COL24A1: variants seen among roughly 807,000 people sequenced by gnomAD.
COL24A1 encodes collagen type XXIV alpha 1 chain, also known as collagen alpha-1(XXIV) chain.
In COL24A1, 224 loss-of-function variants were observed where a neutral mutation model predicts 253.9. The observed-to-expected ratio is 0.88, with a 90% CI of 0.79 to 0.99. The LOEUF is 0.99. COL24A1 is among the 50% of genes least tolerant of loss of function. The probability of loss-of-function intolerance (pLI) is 0.00; values close to 1 mark genes in which losing one functional copy is unlikely to be tolerated. For missense variants in COL24A1, 2,131 were observed against 2,068.5 expected, an observed-to-expected ratio of 1.03 and a Z score of -0.59; for synonymous variants, 685 against 673.7, an observed-to-expected ratio of 1.02 and a Z score of -0.26.
intron 28 of COL24A1, among the ~76,000 whole-genome samples, chr1:85,905,331 G>C (rs1057067611): frequency 6.6e-6 from 1 of 152,120 alleles, no homozygotes; most frequent in East Asian, 1.9e-4. Flanking sequence ...AATGGGTCTA[G>C]AGTATTGGGA....
chr1:86,096,428 A>C, intron 5 of COL24A1, among the ~76,000 whole-genome samples: 1 of 152,056 alleles, frequency 6.6e-6, no homozygotes, highest in Non-Finnish European at 1.5e-5. Context: ...CATAATCTCA[A>C]TTACACTCTC....
intron 12 of COL24A1, among the ~76,000 whole-genome samples, chr1:86,034,914 A>G (rs1191655446): frequency 6.6e-6 from 1 of 152,142 alleles, no homozygotes; most frequent in African/African-American, 2.4e-5. Context: ...ACATTTTCAT[A>G]ATATTCATTT....
intron 59 of COL24A1, among the ~76,000 whole-genome samples, chr1:85,733,770 G>A (rs1258133313): frequency 4.0e-5 from 6 of 151,248 alleles, no homozygotes; most frequent in African/African-American, 1.5e-4. Flanking sequence ...AGTAGAGACG[G>A]AGTTTCTCCA....
At chr1:85,808,144 A>G (rs1445976527) in intron 47 of COL24A1, among the ~76,000 whole-genome samples, 2 of 152,158 alleles carry the variant, frequency 1.3e-5, no homozygotes, top group Non-Finnish European at 1.5e-5. Context: ...TATAAATCTA[A>G]TGTAATAACA....
intron 22 of COL24A1, among the ~76,000 whole-genome samples, chr1:85,969,601 T>A: frequency 1.6e-5 from 1 of 62,162 alleles, no homozygotes; most frequent in African/African-American, 7.2e-5. Context: ...TGAGACTCTG[T>A]CTCAAAAAAA....
At chr1:86,077,485 TG>T (rs1427585583) in intron 7 of COL24A1, among the ~76,000 whole-genome samples, 1 of 152,202 alleles carries the variant, frequency 6.6e-6, no homozygotes, top group Non-Finnish European at 1.5e-5. Context: ...ATCTCATTAC[TG>T]GGTATATATC....
Position 86,060,390 on chromosome 1 carries a change from A to T in COL24A1, c.1753-1216T>A, listed in dbSNP as rs147082263. On this transcript the variant is annotated intron_variant, in intron 8 of 59. Coordinates refer to ENST00000370571, the MANE Select transcript of COL24A1 (RefSeq NM_152890.7). ...AAATTTCTTTCCTGTTTGTTTATAA[A>T]TGATATAATGGAAGATAATTGCACT... Among the ~76,000 whole-genome samples, 13 of 152,230 alleles carry T rather than the reference A, an allele frequency of 8.5e-5. No individual in the cohort carries two copies. In the East Asian group the frequency reaches 2.1e-3, roughly 25 times the overall value.
chr1:86,105,387 T>C (rs1704874921), intron 5 of COL24A1, among the ~76,000 whole-genome samples: 1 of 152,136 alleles, frequency 6.6e-6, no homozygotes, highest in South Asian at 2.1e-4. Flanking sequence ...CTGTTGCGTG[T>C]CCAGAGGGCC....
intron 24 of COL24A1, among the ~76,000 whole-genome samples, chr1:85,921,490 T>G (rs1195647641): frequency 2.0e-5 from 3 of 152,124 alleles, no homozygotes; most frequent in Non-Finnish European, 4.4e-5. Context: ...GGCAAAAATA[T>G]TTGCTGTTCT....
At chr1:86,004,329 C>T (rs1278412650) in intron 19 of COL24A1, among the ~76,000 whole-genome samples, 1 of 152,030 alleles carries the variant, frequency 6.6e-6, no homozygotes, top group Non-Finnish European at 1.5e-5. Context: ...AATGCCTGAT[C>T]CACAGACATG....
intron 12 of COL24A1, among the ~76,000 whole-genome samples, chr1:86,036,723 C>T (rs1408666): frequency 0.23 from 34,805 of 152,058 alleles, 4,343 homozygotes; most frequent in Middle Eastern, 0.44. Context: ...AAATATGGAA[C>T]AGTAGTGACA....
intron 24 of COL24A1, among the ~76,000 whole-genome samples, chr1:85,927,295 T>C (rs1000845392): frequency 6.6e-6 from 1 of 152,162 alleles, no homozygotes. Context: ...GGGAGTTCCC[T>C]TTCCGAGTCA....
chr1:85,934,345 C>T (rs1571281848), intron 24 of COL24A1, among the ~76,000 whole-genome samples: 1 of 152,114 alleles, frequency 6.6e-6, no homozygotes, highest in African/African-American at 2.4e-5. Flanking sequence ...TTTAAACAAT[C>T]ACAATGATTT....
chr1:85,757,545 T>C (rs894920215), intron 55 of COL24A1, among the ~76,000 whole-genome samples: 6 of 150,798 alleles, frequency 4.0e-5, no homozygotes, highest in Admixed American at 3.3e-4. Context: ...ACACCATCAG[T>C]GCAGGCGACA....
At chr1:86,072,780 G>T (rs1299252858) in intron 7 of COL24A1, among the ~76,000 whole-genome samples, 2 of 152,188 alleles carry the variant, frequency 1.3e-5, no homozygotes, top group African/African-American at 4.8e-5. Flanking sequence ...AAAGCTTCCA[G>T]AGGAAGGAGC....
chr1:85,812,353 G>A lies in COL24A1; in HGVS notation c.3951+4435C>T, dbSNP rs947191692. Among the ~76,000 whole-genome samples, 49 of 152,292 alleles carry A rather than the reference G, an allele frequency of 3.2e-4. 1 individual carries two copies. The highest frequency in any genetic ancestry group is 1.1e-3 in the African/African-American group (47 of 41,578). On this transcript the variant is annotated intron_variant, in intron 47 of 59. Transcript: ENST00000370571. ...TTCCCTTTACCAGTTAATGGAGGAG[G>A]AAAAACCTCAGGCCTGATTTTTGGA...
At position 85,807,214 on chromosome 1, in the gene COL24A1, T is replaced by C. The variant is rs907670697; in HGVS notation, c.3951+9574A>G. Among the ~76,000 whole-genome samples the C allele has an allele frequency of 2.0e-5, 3 of 152,170 alleles. No homozygotes were observed. The East Asian group carries it at 5.8e-4, about 29-fold the overall frequency. On this transcript the variant is annotated intron_variant, in intron 47 of 59. Transcript: ENST00000370571. ...GTCAATGAGGTTGAAATGCTATAAC[T>C]TCCCTCACAATAGAAAGGGGTTCAA...
At chr1:85,926,151 C>T (rs576255961) in intron 24 of COL24A1, among the ~76,000 whole-genome samples, 6 of 152,062 alleles carry the variant, frequency 3.9e-5, no homozygotes, top group African/African-American at 7.2e-5. Context: ...GTTAGAATGG[C>T]GATCATTAAA....
At chr1:86,075,668 A>G (rs192071619) in intron 7 of COL24A1, among the ~76,000 whole-genome samples, 4 of 152,336 alleles carry the variant, frequency 2.6e-5, no homozygotes, top group African/African-American at 4.8e-5. Flanking sequence ...AACTGAATCC[A>G]GCAGCACATC....
Sources: allele counts gnomAD v4.1 joint callset (sites outside exome capture counted in the v4.1 genomes callset), GRCh38; gene constraint gnomAD v4.1.1; transcripts MANE v1.5; gene names NCBI Gene and HGNC (gene_info 2026-07-23, HGNC 2026-07-21).